The following LUZP2 variants were observed in gnomAD, a reference collection of about 807,000 sequenced individuals.
LUZP2 encodes leucine zipper protein 2.
Under a neutral mutation model 51.6 loss-of-function variants are expected in LUZP2, and 52 were observed. The ratio of observed to expected loss-of-function variants is 1.01; its 90% CI spans 0.81 to 1.27. LUZP2 has a LOEUF of 1.27. Ranked by LOEUF, LUZP2 falls within the 50% of genes most tolerant of loss-of-function variation. The pLI is 0.00. For synonymous variants in LUZP2, 154 were observed against 137.3 expected, an observed-to-expected ratio of 1.12 and a Z score of -0.85; for missense variants, 436 against 395.4, an observed-to-expected ratio of 1.10 and a Z score of -0.87.
intron 5 of LUZP2, among the ~76,000 whole-genome samples, chr11:24,879,738 A>T (rs979397471): frequency 5.3e-5 from 8 of 152,122 alleles, no homozygotes; most frequent in African/African-American, 1.9e-4. Context: ...GTGTCTGTTC[A>T]TATCCTTTGC....
chr11:24,745,463 C>A (rs1859345567), intron 4 of LUZP2, among the ~76,000 whole-genome samples: 1 of 152,006 alleles, frequency 6.6e-6, no homozygotes, highest in African/African-American at 2.4e-5. Flanking sequence ...ATATAATGTC[C>A]CACTTTGTCT....
chr11:24,971,761 ACTTTTT>A (rs957005737), intron 7 of LUZP2, among the ~76,000 whole-genome samples: 10 of 152,120 alleles, frequency 6.6e-5, no homozygotes, highest in Non-Finnish European at 1.5e-4. Flanking sequence ...TCCTTTTATT[ACTTTTT>A]CTTATTCTTT....
intron 1 of LUZP2, among the ~76,000 whole-genome samples, chr11:24,711,854 A>G (rs2631442): frequency 0.42 from 64,406 of 151,892 alleles, 14,396 homozygotes; most frequent in East Asian, 0.75. Context: ...GCATAAACAA[A>G]CACAAACACA....
Position 24,860,049 on chromosome 11 carries a change from G to T in LUZP2, c.397-45942G>T, listed in dbSNP as rs139760272. Among the ~76,000 whole-genome samples the T allele has an allele frequency of 3.3e-5, 5 of 152,306 alleles. No individual in the cohort carries two copies. In the East Asian group the frequency reaches 7.7e-4, roughly 24 times the overall value. On this transcript the variant is annotated intron_variant, in intron 5 of 11. Coordinates refer to ENST00000336930, the MANE Select transcript of LUZP2 (RefSeq NM_001009909.4). ...AGGACTCACAACTGCCTAACTCCCC[G>T]TGCAGGGGAAGGGCAGCACCCATCT...
intron 5 of LUZP2, among the ~76,000 whole-genome samples, chr11:24,800,302 T>C (rs1261622371): frequency 6.6e-6 from 1 of 152,122 alleles, no homozygotes; most frequent in Non-Finnish European, 1.5e-5. Flanking sequence ...CCCCTCCTCC[T>C]GCCTTGCCAC....
chr11:24,892,327 C>T lies in LUZP2; in HGVS notation c.397-13664C>T, dbSNP rs186541582. On this transcript the variant is annotated intron_variant, in intron 5 of 11. Transcript: ENST00000336930. Reference sequence around the variant, plus strand: ...TTGGCTGAAGTTCTCTGTCTGGCCTCGAAAGACATTCAAATTAGCCACCAC... The same window carrying T: ...TTGGCTGAAGTTCTCTGTCTGGCCTTGAAAGACATTCAAATTAGCCACCAC... 8 of 985,310 alleles carry T rather than the reference C, an allele frequency of 8.1e-6. No homozygotes were observed. The East Asian group carries it at 4.5e-4, about 56-fold the overall frequency. 61.0% of individuals were successfully genotyped at this position (985,310 alleles called of 1,614,324 possible).
chr11:24,827,623 G>T (rs573735242), intron 5 of LUZP2, among the ~76,000 whole-genome samples: 45 of 152,216 alleles, frequency 3.0e-4, no homozygotes, highest in African/African-American at 1.1e-3. Flanking sequence ...AATAGAAGGG[G>T]CGTAGGGGCA....
chr11:24,561,644 G>A (rs1237559598), intron 1 of LUZP2, among the ~76,000 whole-genome samples: 1 of 152,060 alleles, frequency 6.6e-6, no homozygotes, highest in Admixed American at 6.6e-5. Context: ...GACACAGGGA[G>A]AGGAACATCA....
intron 1 of LUZP2, among the ~76,000 whole-genome samples, chr11:24,500,020 ACATTTTTGAATAGCTTTCTCT>A (rs1849945048): frequency 6.6e-6 from 1 of 152,188 alleles, no homozygotes; most frequent in Non-Finnish European, 1.5e-5. Flanking sequence ...TTTTAAATAG[ACATTTTTGAATAGCTTTCTCT>A]TTTTGCTTGT....
intron 1 of LUZP2, among the ~76,000 whole-genome samples, chr11:24,614,479 T>A (rs2133892976): frequency 6.6e-6 from 1 of 152,176 alleles, no homozygotes; most frequent in Admixed American, 6.5e-5. Flanking sequence ...CCTTTTATTA[T>A]CACTAGTAGT....
At chr11:24,840,467 T>A (rs1490087230) in intron 5 of LUZP2, among the ~76,000 whole-genome samples, 1 of 151,942 alleles carries the variant, frequency 6.6e-6, no homozygotes, top group Non-Finnish European at 1.5e-5. Flanking sequence ...CTGATGGTCC[T>A]CTTTTGTAGA....
chr11:25,044,998 G>A (rs1220126192), intron 9 of LUZP2, among the ~76,000 whole-genome samples: 1 of 129,630 alleles, frequency 7.7e-6, no homozygotes, highest in African/African-American at 3.0e-5. Flanking sequence ...TCATAGGTGG[G>A]AATTGAACAA....
At chr11:24,662,328 C>A (rs371521303) in intron 1 of LUZP2, among the ~76,000 whole-genome samples, 4 of 151,940 alleles carry the variant, frequency 2.6e-5, no homozygotes, top group South Asian at 4.2e-4. Context: ...TTAAATAATT[C>A]TTTGAAAAAT....
rs143675944 is a variant in LUZP2, at chr11:24,941,551, A to G, written c.522+27013A>G. On this transcript the variant is annotated intron_variant, in intron 7 of 11. Transcript: ENST00000336930. ...GTTCATATGTCAGGAAACAATTCAA[A>G]TATAACAACACTTTCTGCAGGGCAT... Among the ~76,000 whole-genome samples the G allele has an allele frequency of 1.0e-3, 153 of 152,252 alleles. 1 individual carries two copies. The highest frequency in any genetic ancestry group is 4.6e-3 in the South Asian group (22 of 4,828).
intron 7 of LUZP2, among the ~76,000 whole-genome samples, chr11:24,935,124 A>G (rs1854552953): frequency 6.6e-6 from 1 of 152,192 alleles, no homozygotes; most frequent in Admixed American, 6.5e-5. Context: ...GGGTGTGTTG[A>G]GCAATGAATT....
rs111863647 is a variant in LUZP2 at position 24,644,200 on chromosome 11, C to G, written c.63-84969C>G. Among the ~76,000 whole-genome samples, 90 of 152,260 alleles carry G rather than the reference C, an allele frequency of 5.9e-4. 1 individual carries two copies. In the South Asian group the frequency reaches 9.5e-3, roughly 16 times the overall value. On this transcript the variant is annotated intron_variant, in intron 1 of 11. Coordinates refer to ENST00000336930, the MANE Select transcript of LUZP2 (RefSeq NM_001009909.4). ...ATTCACACTCTTTAGCCAGCACTCTCATTATCCTGTTTGGATGGAAAGGAT... is the reference window on the plus strand; with the variant it reads ...ATTCACACTCTTTAGCCAGCACTCTGATTATCCTGTTTGGATGGAAAGGAT...
intron 9 of LUZP2, among the ~76,000 whole-genome samples, chr11:25,022,124 T>C (rs1857352356): frequency 6.6e-6 from 1 of 152,132 alleles, no homozygotes; most frequent in African/African-American, 2.4e-5. Context: ...CTATTAGGTC[T>C]CATTTTTAAT....
chr11:24,934,243 T>A (rs994959823), intron 7 of LUZP2, among the ~76,000 whole-genome samples: 2 of 152,214 alleles, frequency 1.3e-5, no homozygotes, highest in African/African-American at 4.8e-5. Flanking sequence ...TCACAAGGGA[T>A]ATGATGGCTT....
intron 3 of LUZP2, 88 bp from the exon 4 acceptor site, chr11:24,738,133 C>G (rs1859010870): frequency 3.4e-6 from 3 of 893,398 alleles, no homozygotes; most frequent in Non-Finnish European, 3.5e-6. Context: ...TAAATGTATA[C>G]AGCAAAGCTC....
Sources: allele counts gnomAD v4.1 joint callset (sites outside exome capture counted in the v4.1 genomes callset), GRCh38; gene constraint gnomAD v4.1.1; transcripts MANE v1.5; gene names NCBI Gene and HGNC (gene_info 2026-07-23, HGNC 2026-07-21).